GFRA1: variants seen among roughly 807,000 people sequenced by gnomAD.
The protein encoded by GFRA1 is GDNF family receptor alpha-1.
In GFRA1, 16 loss-of-function variants were observed where a neutral mutation model predicts 51.6. The ratio of observed to expected loss-of-function variants is 0.31; its 90% CI spans 0.21 to 0.47. The LOEUF (loss-of-function observed/expected upper bound fraction) is 0.47, where lower values mean the gene tolerates loss of function less well. GFRA1 is among the 20% of genes least tolerant of loss of function. The probability of loss-of-function intolerance (pLI) is 1.00; values close to 1 mark genes in which losing one functional copy is unlikely to be tolerated. For missense variants in GFRA1, 530 were observed against 594.3 expected (o/e 0.89, Z 1.13); for synonymous variants, 270 against 241.3 (o/e 1.12, Z -1.10).
At chr10:116,190,127 C>T (rs117909796) in intron 5 of GFRA1, among the ~76,000 whole-genome samples, 2 of 152,302 alleles carry the variant, frequency 1.3e-5, no homozygotes, top group Admixed American at 6.5e-5. Flanking sequence ...ATTCTCCCAC[C>T]GAATGAGAAG....
At chr10:116,162,237 T>C (rs1047982581) in intron 5 of GFRA1, among the ~76,000 whole-genome samples, 1 of 152,140 alleles carries the variant, frequency 6.6e-6, no homozygotes, top group African/African-American at 2.4e-5. Flanking sequence ...ATATCATGGA[T>C]CTAAGCAGGC....
chr10:116,059,145 T>C lies in GFRA1; in HGVS notation c.*5253A>G, dbSNP rs772590550. The C allele has an allele frequency of 1.3e-5, 2 of 152,226 alleles. No individual in the cohort carries two copies. The highest frequency in any genetic ancestry group is 2.9e-5 in the Non-Finnish European group (2 of 68,050). The allele number at this position is 152,226 out of a possible 1,614,324, so 9.4% of individuals were successfully genotyped here. A position where few individuals can be genotyped will look rare whatever the true frequency, so the allele number is the denominator to read the frequency against. On this transcript the variant is annotated 3_prime_UTR_variant, in exon 11 of 11. Transcript: ENST00000355422. The stretch of plus-strand genomic sequence containing the variant: ...CTCAATGCCAGGAATACGATGCCAA[T>C]AGGCCAGTTCTTGCTACCGTATGAC...
intron 4 of GFRA1, among the ~76,000 whole-genome samples, chr10:116,229,221 C>T (rs1966529881): frequency 6.6e-6 from 1 of 152,026 alleles, no homozygotes; most frequent in Admixed American, 6.5e-5. Flanking sequence ...GAAATTAATA[C>T]ACTGGTTATA....
intron 6 of GFRA1, among the ~76,000 whole-genome samples, chr10:116,097,676 T>G (rs1412376213): frequency 6.6e-6 from 1 of 152,194 alleles, no homozygotes; most frequent in East Asian, 1.9e-4. Flanking sequence ...CTGCTCTGTT[T>G]CTATGGAAGA....
chr10:116,094,689 A>T (rs948715092), intron 7 of GFRA1, among the ~76,000 whole-genome samples: 2 of 152,230 alleles, frequency 1.3e-5, no homozygotes, highest in African/African-American at 4.8e-5. Flanking sequence ...GTGTATTTGG[A>T]TCACAAACAG....
chr10:116,246,518 C>G (rs1187273062), intron 4 of GFRA1, among the ~76,000 whole-genome samples: 1 of 152,046 alleles, frequency 6.6e-6, no homozygotes, highest in East Asian at 1.9e-4. Flanking sequence ...TGATTTAAAA[C>G]TGTTCTATAC....
chr10:116,172,821 G>A (rs1961173294), intron 5 of GFRA1, among the ~76,000 whole-genome samples: 1 of 152,214 alleles, frequency 6.6e-6, no homozygotes, highest in Non-Finnish European at 1.5e-5. Flanking sequence ...GCACCTCACA[G>A]TGGGAGCAGA....
At chr10:116,091,826 A>AAAAATTCT (rs1157220084) in intron 8 of GFRA1, among the ~76,000 whole-genome samples, 11 of 152,318 alleles carry the variant, frequency 7.2e-5, no homozygotes, top group African/African-American at 2.6e-4. Context: ...AATGACTGTG[A>AAAAATTCT]AAAATTCTGG....
At chr10:116,148,398 G>A (rs1958924672) in intron 5 of GFRA1, among the ~76,000 whole-genome samples, 1 of 152,068 alleles carries the variant, frequency 6.6e-6, no homozygotes, top group Non-Finnish European at 1.5e-5. Flanking sequence ...GACTCCCAGG[G>A]CTGTACCCCA....
At chr10:116,109,334 T>C (rs1433867822) in intron 6 of GFRA1, among the ~76,000 whole-genome samples, 2 of 152,234 alleles carry the variant, frequency 1.3e-5, no homozygotes, top group Non-Finnish European at 2.9e-5. Flanking sequence ...ATGTGAAGTA[T>C]GTGCTGCAGA....
chr10:116,113,961 C>CCCGG lies in GFRA1; in HGVS notation c.770+11256_770+11259dup, dbSNP rs566610618. On this transcript the variant is annotated intron_variant, in intron 6 of 10. Coordinates refer to ENST00000355422, the MANE Select transcript of GFRA1 (RefSeq NM_005264.8). ...ATCCACTCGTTCCTACAACCATGTC[C>CCCGG]CCGGCTCTGTGCATTCTAAGCTCCC... is the stretch of plus-strand genomic sequence containing the variant. Among the ~76,000 whole-genome samples the CCCGG allele has an allele frequency of 3.2e-4, 48 of 152,238 alleles. No homozygotes were observed. The South Asian group carries it at 9.7e-3, about 31-fold the overall frequency.
chr10:116,269,355 TCTTC>T, intron 4 of GFRA1, 144 bp downstream of exon 4: 1 of 702,126 alleles, frequency 1.4e-6, no homozygotes, highest in Non-Finnish European at 2.6e-6. Flanking sequence ...GCATTATGCC[TCTTC>T]ATTATCATCA....
intron 5 of GFRA1, among the ~76,000 whole-genome samples, chr10:116,205,756 C>A (rs1964700099): frequency 6.6e-6 from 1 of 151,794 alleles, no homozygotes; most frequent in South Asian, 2.1e-4. Context: ...AAACCTCACC[C>A]CAAACTCATG....
intron 4 of GFRA1, chr10:116,226,765 C>T (rs1183642758): frequency 2.4e-6 from 1 of 419,734 alleles, no homozygotes; most frequent in Non-Finnish European, 4.8e-6. Context: ...CAGTGGCAGC[C>T]CTGACCTTGT....
intron 5 of GFRA1, among the ~76,000 whole-genome samples, chr10:116,163,950 C>T (rs1960108137): frequency 6.6e-6 from 1 of 152,202 alleles, no homozygotes; most frequent in Admixed American, 6.5e-5. Flanking sequence ...TCAGCAAGTC[C>T]TTGCTGGACA....
intron 5 of GFRA1, among the ~76,000 whole-genome samples, chr10:116,186,570 TAAA>T (rs386372545): frequency 0.02 from 2,610 of 129,172 alleles, 21 homozygotes; most frequent in Middle Eastern, 0.032. Context: ...GAAAGGCTCT[TAAA>T]AAAAAAAAAA....
In GFRA1 at chr10:116,065,466, A is replaced by G. The variant is rs957819387; in HGVS notation, c.1251+107T>C. 47 of 879,330 alleles carry G rather than the reference A, an allele frequency of 5.3e-5. 1 individual carries two copies. Among genetic ancestry groups the G allele is most frequent in the Non-Finnish European group, 4.1e-5 (22 of 532,998 alleles). The allele number at this position is 879,330 out of a possible 1,614,324, so 54.5% of individuals were successfully genotyped here. On this transcript the variant is annotated intron_variant, in intron 10 of 10. Coordinates refer to ENST00000355422, the MANE Select transcript of GFRA1 (RefSeq NM_005264.8). ...GGAGGGTGGCTTAGATTTCTTGTGG[A>G]CTGGATACCTTCTTGTCTTTGAATG...
At chr10:116,143,472 T>C (rs1038371251) in intron 5 of GFRA1, among the ~76,000 whole-genome samples, 6 of 152,166 alleles carry the variant, frequency 3.9e-5, no homozygotes, top group Non-Finnish European at 8.8e-5. Context: ...ACTGTCTGAG[T>C]GCCCAAGACA....
rs1158097373 is a variant in GFRA1 at position 116,270,908 on chromosome 10, G to C, written c.248C>G (p.Ser83Trp). ...CCGCTTGCAGCGGCAGTTGTAGAGCGACTTCTGCTTCAGGGCCTCCATGGC... is the reference window on the plus strand; with the variant it reads ...CCGCTTGCAGCGGCAGTTGTAGAGCCACTTCTGCTTCAGGGCCTCCATGGC... ...RSAMEALKQK[S>W]LYNCRCKRGM... Residue 83 changes from serine (S) to tryptophan (W), a missense_variant, in exon 3 of 11, where the codon TCG becomes TGG. Ser to Trp is a radical substitution (Grantham distance 177). Coordinates refer to ENST00000355422, the MANE Select transcript of GFRA1 (RefSeq NM_005264.8). The C allele has an allele frequency of 1.2e-5, 19 of 1,614,072 alleles. No individual in the cohort carries two copies. Among genetic ancestry groups the C allele is most frequent in the Non-Finnish European group, 1.6e-5 (19 of 1,179,988 alleles).
Sources: allele counts gnomAD v4.1 joint callset (sites outside exome capture counted in the v4.1 genomes callset), GRCh38; gene constraint gnomAD v4.1.1; transcripts MANE v1.5; gene names NCBI Gene and HGNC (gene_info 2026-07-23, HGNC 2026-07-21).